Variants in NALF1 observed in about 807,000 individuals in gnomAD.
The protein encoded by NALF1 is family with sequence similarity 155 member A.
NALF1 carries 3 observed loss-of-function variants against 48.4 expected under a neutral mutation model. The ratio of observed to expected loss-of-function variants is 0.06; its 90% CI spans 0.03 to 0.16. NALF1 has a LOEUF of 0.16. NALF1 is among the 10% of genes least tolerant of loss of function. The pLI is 1.00. For synonymous variants in NALF1, 262 were observed against 245.7 expected (o/e 1.07, Z -0.62); for missense variants, 526 against 571.5 (o/e 0.92, Z 0.81).
intron 1 of NALF1, among the ~76,000 whole-genome samples, chr13:107,425,462 CAT>C (rs1268272045): frequency 6.6e-6 from 1 of 152,064 alleles, no homozygotes; most frequent in Non-Finnish European, 1.5e-5. Context: ...TTTTAAAGAA[CAT>C]ATTAAATATC....
At chr13:107,725,570 G>A (rs1198022368) in intron 1 of NALF1, among the ~76,000 whole-genome samples, 1 of 152,096 alleles carries the variant, frequency 6.6e-6, no homozygotes, top group Admixed American at 6.6e-5. Context: ...AATTACCTGG[G>A]CGCAGAGGCG....
intron 1 of NALF1, among the ~76,000 whole-genome samples, chr13:107,480,269 C>T (rs1173718538): frequency 6.6e-6 from 1 of 152,148 alleles, no homozygotes; most frequent in Admixed American, 6.5e-5. Context: ...AATTGTGAAA[C>T]TTGGCACAAT....
At chr13:107,285,606 C>A (rs1417876261) in intron 1 of NALF1, among the ~76,000 whole-genome samples, 2 of 151,780 alleles carry the variant, frequency 1.3e-5, no homozygotes, top group Admixed American at 6.6e-5. Flanking sequence ...TAATAGATAC[C>A]ATGGGTATAT....
At chr13:107,529,138 C>G (rs879825120) in intron 1 of NALF1, among the ~76,000 whole-genome samples, 3 of 152,046 alleles carry the variant, frequency 2.0e-5, no homozygotes, top group Non-Finnish European at 2.9e-5. Flanking sequence ...ATCTTCCCAC[C>G]AGAGAGAGAG....
intron 1 of NALF1, among the ~76,000 whole-genome samples, chr13:107,503,603 T>C (rs780530224): frequency 1.3e-5 from 2 of 152,140 alleles, no homozygotes; most frequent in African/African-American, 4.8e-5. Flanking sequence ...TCTGGGCATA[T>C]ACCCAAAGGA....
chr13:107,711,810 T>C lies in NALF1; in HGVS notation c.915+153872A>G, dbSNP rs75593284. Among the ~76,000 whole-genome samples the C allele has an allele frequency of 9.5e-3, 1,443 of 152,326 alleles. 24 individuals are homozygous for C. Among genetic ancestry groups the C allele is most frequent in the East Asian group, 0.091 (470 of 5,172 alleles). ...AAACTACTACTTCTAGAAACGGAGA[T>C]AGTCTAAGAATGTATGTTTTTTACT... On this transcript the variant is annotated intron_variant, in intron 1 of 2. Coordinates refer to ENST00000375915, the MANE Select transcript of NALF1 (RefSeq NM_001080396.3).
chr13:107,240,782 GA>G (rs1880450395), intron 1 of NALF1, among the ~76,000 whole-genome samples: 1 of 151,790 alleles, frequency 6.6e-6, no homozygotes, highest in African/African-American at 2.4e-5. Flanking sequence ...ATTCAAAGAG[GA>G]AACTGTCAAA....
chr13:107,704,803 C>T (rs1304396095), intron 1 of NALF1, among the ~76,000 whole-genome samples: 1 of 151,942 alleles, frequency 6.6e-6, no homozygotes, highest in Admixed American at 6.6e-5. Context: ...ATTGAGATGC[C>T]CTGCGTCTCA....
intron 1 of NALF1, among the ~76,000 whole-genome samples, chr13:107,322,208 A>T (rs1882270545): frequency 1.3e-5 from 2 of 152,118 alleles, no homozygotes; most frequent in Non-Finnish European, 2.9e-5. Flanking sequence ...TTTCCTCTTC[A>T]ACAACATTTT....
intron 1 of NALF1, among the ~76,000 whole-genome samples, chr13:107,625,225 C>A (rs1268177443): frequency 1.4e-4 from 22 of 152,088 alleles, no homozygotes; most frequent in Admixed American, 1.4e-3. Context: ...CTAGATTCAT[C>A]TCCACCCTCA....
chr13:107,307,070 C>CA (rs1247969974), intron 1 of NALF1, among the ~76,000 whole-genome samples: 1 of 152,188 alleles, frequency 6.6e-6, no homozygotes, highest in Admixed American at 6.5e-5. Context: ...AACACGTTTT[C>CA]ATATTTATAA....
chr13:107,554,201 A>T (rs1877385730), intron 1 of NALF1, among the ~76,000 whole-genome samples: 1 of 152,098 alleles, frequency 6.6e-6, no homozygotes, highest in Non-Finnish European at 1.5e-5. Flanking sequence ...GTGCCACAAG[A>T]TGCAGCTGAT....
At chr13:107,218,539 C>A (rs968960333) in intron 1 of NALF1, among the ~76,000 whole-genome samples, 1 of 152,150 alleles carries the variant, frequency 6.6e-6, no homozygotes, top group Non-Finnish European at 1.5e-5. Context: ...CCTGATGAGC[C>A]CCCAACATAT....
chr13:107,696,252 G>A (rs1157514283), intron 1 of NALF1, among the ~76,000 whole-genome samples: 1 of 152,154 alleles, frequency 6.6e-6, no homozygotes, highest in Non-Finnish European at 1.5e-5. Flanking sequence ...GAGATTGTGA[G>A]ACTTAAAACA....
chr13:107,661,318 C>A (rs1242927849), intron 1 of NALF1, among the ~76,000 whole-genome samples: 1 of 152,166 alleles, frequency 6.6e-6, no homozygotes, highest in Non-Finnish European at 1.5e-5. Context: ...ATACATTAAA[C>A]TAGGCTGCAT....
chr13:107,847,723 T>C (rs1880209921), intron 1 of NALF1, among the ~76,000 whole-genome samples: 2 of 152,166 alleles, frequency 1.3e-5, no homozygotes, highest in South Asian at 2.1e-4. Context: ...GATCTTTCCC[T>C]AGCAGAGCCT....
chr13:107,612,072 G>GA (rs1879239239), intron 1 of NALF1, among the ~76,000 whole-genome samples: 1 of 86,888 alleles, frequency 1.2e-5, no homozygotes, highest in Admixed American at 1.2e-4. Context: ...GGGGGGGAGA[G>GA]AGGGGAGTGG....
At chr13:107,834,604 C>G (rs1879836439) in intron 1 of NALF1, among the ~76,000 whole-genome samples, 1 of 152,158 alleles carries the variant, frequency 6.6e-6, no homozygotes, top group Non-Finnish European at 1.5e-5. Context: ...TTACCCCAGA[C>G]AGCTGGATCA....
intron 1 of NALF1, among the ~76,000 whole-genome samples, chr13:107,690,189 T>G (rs1029299264): frequency 6.6e-6 from 1 of 152,214 alleles, no homozygotes; most frequent in Admixed American, 6.5e-5. Flanking sequence ...GCACTGAGAC[T>G]GTTATCCAGT....
Sources: allele counts gnomAD v4.1 joint callset (sites outside exome capture counted in the v4.1 genomes callset), GRCh38; gene constraint gnomAD v4.1.1; transcripts MANE v1.5; gene names NCBI Gene and HGNC (gene_info 2026-07-23, HGNC 2026-07-21).